DZIP3: variants seen among roughly 807,000 people sequenced by gnomAD.
The protein encoded by DZIP3 is E3 ubiquitin-protein ligase DZIP3.
Under a neutral mutation model 162.0 loss-of-function variants are expected in DZIP3, and 118 were observed. That is an observed-to-expected ratio of 0.73 (90% CI 0.63 to 0.85). The LOEUF (loss-of-function observed/expected upper bound fraction) is 0.85. Ranked by LOEUF, DZIP3 falls within the 40% of genes least tolerant of loss-of-function variation. The probability of loss-of-function intolerance (pLI) is 0.00; values close to 1 mark genes in which losing one functional copy is unlikely to be tolerated. For missense variants in DZIP3, 1,331 were observed against 1,407.0 expected (o/e 0.95, Z 0.86); for synonymous variants, 438 against 458.6 (o/e 0.96, Z 0.57).
intron 12 of DZIP3, 119 bp from the exon 13 acceptor site, chr3:108,642,316 CCTT>C: frequency 1.8e-6 from 2 of 1,100,518 alleles, no homozygotes; most frequent in South Asian, 1.6e-5. Context: ...TATTTTTTCT[CCTT>C]CTTGAATTAT....
rs1332569431 is a variant in DZIP3 at position 108,661,975 on chromosome 3, A to G, written c.2295+3A>G. ...ATAAATTGCACTATCAGTGTGAAGT[A>G]AGTATTTTTGCCATTAGATCTGATG... On this transcript the variant is annotated splice_donor_region_variant and intron_variant, in intron 20 of 32. Transcript: ENST00000361582. 44 of 1,612,488 alleles carry G rather than the reference A, an allele frequency of 2.7e-5. No individual in the cohort carries two copies. Among genetic ancestry groups the G allele is most frequent in the Non-Finnish European group, 3.7e-5 (44 of 1,179,142 alleles).
In DZIP3 at chr3:108,648,974, TA is replaced by T; in HGVS notation, c.2007+14del. ...CTAAGAATAAAAAGGTAAGAGACTA[TA>T]ATAGCATTATAATACTGATTATGAA... On this transcript the variant is annotated intron_variant, in intron 17 of 32. Transcript: ENST00000361582. 8.7e-7 allele frequency: 1 copy of T among 1,148,740 alleles called. No homozygotes were observed. The highest frequency in any genetic ancestry group is 1.2e-6 in the Non-Finnish European group (1 of 862,316). 71.2% of individuals were successfully genotyped at this position (1,148,740 alleles called of 1,614,324 possible). A position where few individuals can be genotyped will look rare whatever the true frequency, so the allele number is the denominator to read the frequency against.
intron 4 of DZIP3, among the ~76,000 whole-genome samples, chr3:108,615,423 T>C (rs1291117146): frequency 6.6e-6 from 1 of 152,218 alleles, no homozygotes; most frequent in East Asian, 1.9e-4. Context: ...ATTTGGAAAC[T>C]GTCAGTATGT....
intron 4 of DZIP3, among the ~76,000 whole-genome samples, chr3:108,615,354 A>G (rs1940948775): frequency 6.6e-6 from 1 of 152,216 alleles, no homozygotes; most frequent in African/African-American, 2.4e-5. Context: ...TTTCTATTCA[A>G]ATTCAAGAGA....
intron 2 of DZIP3, among the ~76,000 whole-genome samples, chr3:108,606,043 A>T (rs1183275420): frequency 6.6e-6 from 1 of 152,220 alleles, no homozygotes; most frequent in Non-Finnish European, 1.5e-5. Flanking sequence ...TCATTCTCAC[A>T]AAAATGTTTT....
chr3:108,673,093 TTCTAAGTTAGAACACCACAG>T (rs1328477148), intron 23 of DZIP3, among the ~76,000 whole-genome samples: 2 of 152,000 alleles, frequency 1.3e-5, no homozygotes, highest in Admixed American at 1.3e-4. Context: ...TGCCAGCTTT[TTCTAAGTTAGAACACCACAG>T]CTAGGGTCTC....
intron 1 of DZIP3, among the ~76,000 whole-genome samples, chr3:108,594,587 C>G (rs1939610620): frequency 6.6e-6 from 1 of 151,870 alleles, no homozygotes; most frequent in Non-Finnish European, 1.5e-5. Context: ...AATCCTCTTC[C>G]TCCTCCCACC....
intron 26 of DZIP3, among the ~76,000 whole-genome samples, chr3:108,679,477 C>G (rs984153081): frequency 7.9e-5 from 12 of 152,070 alleles, no homozygotes; most frequent in Admixed American, 2.0e-4. Context: ...AGGGGTTCAC[C>G]TGTATCTTTT....
chr3:108,634,455 G>A (rs1296154604), intron 9 of DZIP3, among the ~76,000 whole-genome samples: 2 of 152,072 alleles, frequency 1.3e-5, no homozygotes, highest in Non-Finnish European at 2.9e-5. Context: ...TGTCAGCAAG[G>A]CAGAAAATCT....
chr3:108,634,166 A>T (rs545931387), intron 9 of DZIP3, among the ~76,000 whole-genome samples: 1 of 152,138 alleles, frequency 6.6e-6, no homozygotes, highest in Non-Finnish European at 1.5e-5. Context: ...AGAATAAGAC[A>T]GGGATTGAAA....
intron 1 of DZIP3, among the ~76,000 whole-genome samples, chr3:108,603,723 CA>C (rs1940162816): frequency 6.6e-6 from 1 of 152,092 alleles, no homozygotes; most frequent in Non-Finnish European, 1.5e-5. Context: ...CAAATTGTTG[CA>C]GAATTATTCT....
At chr3:108,690,994 G>C (rs1052215462) in intron 32 of DZIP3, 91 bp downstream of exon 32, 2 of 996,878 alleles carry the variant, frequency 2.0e-6, no homozygotes, top group African/African-American at 3.3e-5. Flanking sequence ...TCAATATAGT[G>C]CTAAAGAAGC....
chr3:108,647,632 G>A (rs1212998651), intron 15 of DZIP3, among the ~76,000 whole-genome samples: 2 of 152,086 alleles, frequency 1.3e-5, no homozygotes, highest in African/African-American at 4.8e-5. Context: ...TAGGATCAAG[G>A]TCAGGACATG....
intron 3 of DZIP3, among the ~76,000 whole-genome samples, chr3:108,608,565 T>G (rs1940515975): frequency 6.6e-6 from 1 of 152,196 alleles, no homozygotes; most frequent in Non-Finnish European, 1.5e-5. Flanking sequence ...TTTCTGAAGT[T>G]AAACTTATTC....
intron 5 of DZIP3, among the ~76,000 whole-genome samples, chr3:108,619,845 G>T (rs1941230767): frequency 6.6e-6 from 1 of 151,338 alleles, no homozygotes. Flanking sequence ...AGGTCTTGGT[G>T]TACCCCTCAC....
In DZIP3 at chr3:108,632,935, T is replaced by C. The variant is rs1483263458; in HGVS notation, c.697-18T>C. The C allele has an allele frequency of 1.5e-6, 2 of 1,324,028 alleles. No individual in the cohort carries two copies. Among genetic ancestry groups the C allele is most frequent in the Admixed American group, 5.2e-5 (2 of 38,762 alleles). 82.0% of individuals were successfully genotyped at this position (1,324,028 alleles called of 1,614,324 possible). A position where few individuals can be genotyped will look rare whatever the true frequency, so the allele number is the denominator to read the frequency against. ...TTATTAGTAATTCATGAGAATTCTT[T>C]CTGTTTTTAAAATCTAGGATCTTCT... On this transcript the variant is annotated intron_variant, in intron 8 of 32. Transcript: ENST00000361582.
chr3:108,653,135 A>G (rs1486080986), intron 18 of DZIP3, among the ~76,000 whole-genome samples: 1 of 151,894 alleles, frequency 6.6e-6, no homozygotes, highest in Non-Finnish European at 1.5e-5. Context: ...TGAGTTTGAG[A>G]ATCAATGGTC....
At chr3:108,602,512 A>G (rs1479909037) in intron 1 of DZIP3, among the ~76,000 whole-genome samples, 1 of 152,206 alleles carries the variant, frequency 6.6e-6, no homozygotes, top group East Asian at 1.9e-4. Context: ...AAGGACCTAA[A>G]TAGATTTCTG....
In DZIP3 at chr3:108,648,985, T is replaced by C; in HGVS notation, c.2007+23T>C. The C allele has an allele frequency of 2.7e-6, 3 of 1,112,250 alleles. No homozygotes were observed. In the Middle Eastern group the frequency reaches 6.7e-4, roughly 248 times the overall value. The allele number at this position is 1,112,250 out of a possible 1,614,324, so 68.9% of individuals were successfully genotyped here. On this transcript the variant is annotated intron_variant, in intron 17 of 32. Transcript: ENST00000361582. ...AAGGTAAGAGACTATAATAGCATTATAATACTGATTATGAACACTTGAGTT... is the reference window on the plus strand; with the variant it reads ...AAGGTAAGAGACTATAATAGCATTACAATACTGATTATGAACACTTGAGTT...
Sources: allele counts gnomAD v4.1 joint callset (sites outside exome capture counted in the v4.1 genomes callset), GRCh38; gene constraint gnomAD v4.1.1; transcripts MANE v1.5; gene names NCBI Gene and HGNC (gene_info 2026-07-23, HGNC 2026-07-21).